The following TRAF3 variants were observed in gnomAD, a reference collection of about 807,000 sequenced individuals.
TRAF3 encodes TNF receptor-associated factor 3.
Under a neutral mutation model 62.3 loss-of-function variants are expected in TRAF3, and 13 were observed. The observed-to-expected ratio is 0.21, with a 90% CI of 0.14 to 0.33. The LOEUF (loss-of-function observed/expected upper bound fraction) is 0.33, where lower values mean the gene tolerates loss of function less well. Ranked by LOEUF, TRAF3 falls within the 10% of genes least tolerant of loss-of-function variation. The pLI is 1.00. For synonymous variants in TRAF3, 269 were observed against 283.4 expected, an observed-to-expected ratio of 0.95 and a Z score of 0.51; for missense variants, 440 against 741.8, an observed-to-expected ratio of 0.59 and a Z score of 4.73.
intron 10 of TRAF3, among the ~76,000 whole-genome samples, chr14:102,901,081 T>C (rs931960317): frequency 6.6e-6 from 1 of 152,246 alleles, no homozygotes; most frequent in Admixed American, 6.5e-5. Context: ...CCCTTGCTGC[T>C]CATGGAGACG....
At chr14:102,792,447 T>C (rs74988443) in intron 1 of TRAF3, among the ~76,000 whole-genome samples, 5 of 150,372 alleles carry the variant, frequency 3.3e-5, no homozygotes, top group African/African-American at 1.2e-4. Context: ...TTTTTTTTTT[T>C]TTTTTTTAGT....
intron 10 of TRAF3, among the ~76,000 whole-genome samples, chr14:102,899,430 G>T (rs1890166475): frequency 6.6e-6 from 1 of 152,118 alleles, no homozygotes. Flanking sequence ...GTTGCCCCAG[G>T]AAGGGTTTAT....
intron 2 of TRAF3, among the ~76,000 whole-genome samples, chr14:102,868,628 A>G (rs1888148366): frequency 6.6e-6 from 1 of 152,236 alleles, no homozygotes; most frequent in South Asian, 2.1e-4. Context: ...ATGGAAGTGC[A>G]TGGCCATTGC....
chr14:102,812,734 A>G (rs1256303476), intron 1 of TRAF3, among the ~76,000 whole-genome samples: 7 of 149,846 alleles, frequency 4.7e-5, no homozygotes, highest in Non-Finnish European at 7.4e-5. Flanking sequence ...CTTGGCTAAC[A>G]CGGTGAAACC....
At chr14:102,817,660 G>A (rs1899616428) in intron 1 of TRAF3, among the ~76,000 whole-genome samples, 1 of 152,212 alleles carries the variant, frequency 6.6e-6, no homozygotes, top group Admixed American at 6.5e-5. Flanking sequence ...TTATAGGTAT[G>A]CTATGGAGTT....
At position 102,778,480 on chromosome 14, in the gene TRAF3, C is replaced by T. The variant is rs118040404; in HGVS notation, c.-157+805C>T. On this transcript the variant is annotated intron_variant, in intron 1 of 11. Transcript: ENST00000392745. The stretch of plus-strand genomic sequence containing the variant: ...GGTGTTATGGACGTGCTTGGAAATG[C>T]AAGAAACCTTCAGATTACGAGCTGT... Among the ~76,000 whole-genome samples the T allele has an allele frequency of 7.4e-3, 1,122 of 152,346 alleles. 47 individuals are homozygous for T. Among genetic ancestry groups the T allele is most frequent in the Admixed American group, 0.052 (794 of 15,300 alleles).
chr14:102,871,052 G>GT (rs1024105855), intron 3 of TRAF3, among the ~76,000 whole-genome samples: 7 of 152,354 alleles, frequency 4.6e-5, no homozygotes, highest in African/African-American at 1.7e-4. Context: ...CAGGCCTCAT[G>GT]TTTTCTGGCA....
At chr14:102,784,414 G>A (rs549711720) in intron 1 of TRAF3, among the ~76,000 whole-genome samples, 1 of 151,940 alleles carries the variant, frequency 6.6e-6, no homozygotes, top group African/African-American at 2.4e-5. Context: ...GTAGAAACAG[G>A]GTTTCACCAC....
At position 102,843,474 on chromosome 14, in the gene TRAF3, A is replaced by G. The variant is rs565701583; in HGVS notation, c.-18+13002A>G. 9.2e-5 allele frequency among the ~76,000 whole-genome samples: 14 copies of G among 151,972 alleles called. No homozygotes were observed. The South Asian group carries it at 2.9e-3, about 32-fold the overall frequency. On this transcript the variant is annotated intron_variant, in intron 2 of 11. Coordinates refer to ENST00000392745, the MANE Select transcript of TRAF3 (RefSeq NM_145725.3). ...TGCCTCAGCCTCCCTAGTAGCTGGG[A>G]CTATAAGCGTGTGCCACCATACCCA... is the stretch of plus-strand genomic sequence containing the variant.
intron 1 of TRAF3, among the ~76,000 whole-genome samples, chr14:102,789,671 T>A (rs2139404902): frequency 6.6e-6 from 1 of 152,104 alleles, no homozygotes; most frequent in East Asian, 1.9e-4. Context: ...CTATTCTAGT[T>A]AAAGTGGTAT....
intron 1 of TRAF3, among the ~76,000 whole-genome samples, chr14:102,818,098 T>C (rs1899648702): frequency 6.6e-6 from 1 of 152,184 alleles, no homozygotes; most frequent in African/African-American, 2.4e-5. Flanking sequence ...CCTACTAGGC[T>C]TCTGAAGCAA....
Position 102,900,585 on chromosome 14 carries a change from CAG to C in TRAF3, c.961-2669_961-2668del, listed in dbSNP as rs1182288320. ...TAGATGAACTGGTGGTTCTTACAGT[CAG>C]GGGGTCCACAGGGCACACGTAGAGG... On this transcript the variant is annotated intron_variant, in intron 10 of 11. Transcript: ENST00000392745. 7.2e-5 allele frequency among the ~76,000 whole-genome samples: 11 copies of C among 152,340 alleles called. No individual in the cohort carries two copies. In the East Asian group the frequency reaches 7.7e-4, roughly 11 times the overall value.
Position 102,866,850 on chromosome 14 carries a change from AACACACACACACACACACACACAC to A in TRAF3, c.-17-3315_-17-3292del, listed in dbSNP as rs538121314. 2.6e-4 allele frequency among the ~76,000 whole-genome samples: 34 copies of A among 132,278 alleles called. No individual in the cohort carries two copies. In the East Asian group the frequency reaches 6.4e-3, roughly 25 times the overall value. 86.8% of individuals were successfully genotyped at this position (132,278 alleles called of 152,430 possible). On this transcript the variant is annotated intron_variant, in intron 2 of 11. Coordinates refer to ENST00000392745, the MANE Select transcript of TRAF3 (RefSeq NM_145725.3). ...ACAGAACGAGACTCCATCTCTTGAA[AACACACACACACACACACACACAC>A]ACACACACACACACACACAAAACAA...
intron 2 of TRAF3, among the ~76,000 whole-genome samples, chr14:102,850,984 A>G (rs940158941): frequency 2.6e-5 from 4 of 152,184 alleles, no homozygotes; most frequent in African/African-American, 9.7e-5. Flanking sequence ...GATTCCCAGC[A>G]TGTGTATGAT....
At position 102,897,373 on chromosome 14, in the gene TRAF3, A is replaced by G; in HGVS notation, c.932A>G (p.Asn311Ser). Residue 311 changes from asparagine to serine, a missense_variant, in exon 10 of 12, where the codon AAT (asparagine) becomes AGT (serine). Physicochemically the swap from Asn to Ser is conservative, Grantham distance 46. Coordinates refer to ENST00000392745, the MANE Select transcript of TRAF3 (RefSeq NM_145725.3). ...GAGAGACAAAAGGAAATGCTTCGAA[A>G]TAATGAATCCAAAATCCTTCATTTA... ...EIERQKEMLR[N>S]NESKILHLQR... 6.2e-7 allele frequency: 1 copy of G among 1,614,072 alleles called. No homozygotes were observed. The highest frequency in any genetic ancestry group is 8.5e-7 in the Non-Finnish European group (1 of 1,179,970).
chr14:102,886,908 A>G (rs1467035918), intron 7 of TRAF3, among the ~76,000 whole-genome samples: 1 of 152,232 alleles, frequency 6.6e-6, no homozygotes, highest in Non-Finnish European at 1.5e-5. Context: ...AATTGCTGTA[A>G]GATTATCTCA....
Position 102,777,618 on chromosome 14 carries a change from C to G in TRAF3, c.-214C>G, listed in dbSNP as rs1897065137. 6.9e-6 allele frequency: 1 copy of G among 144,638 alleles called. No individual in the cohort carries two copies. Among genetic ancestry groups the G allele is most frequent in the Non-Finnish European group, 1.5e-5 (1 of 65,140 alleles). The allele number at this position is 144,638 out of a possible 1,614,324, so 9.0% of individuals were successfully genotyped here. A position where few individuals can be genotyped will look rare whatever the true frequency, so the allele number is the denominator to read the frequency against. On this transcript the variant is annotated 5_prime_UTR_variant, in exon 1 of 12. Coordinates refer to ENST00000392745, the MANE Select transcript of TRAF3 (RefSeq NM_145725.3). The stretch of plus-strand genomic sequence containing the variant: ...AGCCCGGGGAGCAGAACGCTGCGGA[C>G]CGCGGCGGAGGACGCGCCCGGCGCC...
At chr14:102,875,872 TCAGAACC>T (rs1888618764) in intron 5 of TRAF3, 144 bp downstream of exon 5, 3 of 733,370 alleles carry the variant, frequency 4.1e-6, no homozygotes, top group Non-Finnish European at 7.2e-6. Flanking sequence ...AGGAAAGCAG[TCAGAACC>T]ACTTGAGTAT....
chr14:102,866,847 G>GA (rs1302351383), intron 2 of TRAF3, among the ~76,000 whole-genome samples: 21 of 97,060 alleles, frequency 2.2e-4, no homozygotes, highest in African/African-American at 6.9e-4. Context: ...TCCATCTCTT[G>GA]AAAACACACA....
Sources: allele counts gnomAD v4.1 joint callset (sites outside exome capture counted in the v4.1 genomes callset), GRCh38; gene constraint gnomAD v4.1.1; transcripts MANE v1.5; gene names NCBI Gene and HGNC (gene_info 2026-07-23, HGNC 2026-07-21).